The following DOCK3 variants were observed in gnomAD, a reference collection of about 807,000 sequenced individuals.
DOCK3 encodes the protein dedicator of cytokinesis 3, also known as dedicator of cytokinesis protein 3.
DOCK3 carries 60 observed loss-of-function variants against 265.6 expected under a neutral mutation model. The ratio of observed to expected loss-of-function variants is 0.23; its 90% confidence interval spans 0.18 to 0.28. The LOEUF is 0.28. DOCK3 is among the 10% of genes least tolerant of loss of function. The pLI is 1.00. For missense variants in DOCK3, 1,981 were observed against 2,594.3 expected, an observed-to-expected ratio of 0.76 and a Z score of 5.14; for synonymous variants, 881 against 938.0, an observed-to-expected ratio of 0.94 and a Z score of 1.11.
chr3:51,015,544 G>C (rs1289299024), intron 5 of DOCK3, among the ~76,000 whole-genome samples: 1 of 150,098 alleles, frequency 6.7e-6, no homozygotes, highest in Non-Finnish European at 1.5e-5. Flanking sequence ...ATTTTGTTGA[G>C]GATTTTTGTG....
intron 2 of DOCK3, among the ~76,000 whole-genome samples, chr3:50,791,303 G>A (rs1303920902): frequency 7.4e-5 from 9 of 121,552 alleles, no homozygotes; most frequent in Admixed American, 3.4e-4. Context: ...TTGCTCTGTC[G>A]CCCAGGATTG....
intron 32 of DOCK3, among the ~76,000 whole-genome samples, chr3:51,326,138 A>G (rs2084094667): frequency 6.6e-6 from 1 of 151,882 alleles, no homozygotes; most frequent in South Asian, 2.1e-4. Context: ...GCAACTTGTC[A>G]TGACTACCTC....
chr3:51,069,008 A>T (rs4615113), intron 6 of DOCK3, among the ~76,000 whole-genome samples: 4 of 152,082 alleles, frequency 2.6e-5, no homozygotes, highest in African/African-American at 9.7e-5. Flanking sequence ...ATTTGGCCTA[A>T]AATTTGAATA....
chr3:51,125,734 T>C (rs141416766), intron 9 of DOCK3, among the ~76,000 whole-genome samples: 3 of 152,332 alleles, frequency 2.0e-5, no homozygotes, highest in East Asian at 1.9e-4. Flanking sequence ...AATACTCTTA[T>C]ATCTTGTTTT....
intron 9 of DOCK3, among the ~76,000 whole-genome samples, chr3:51,143,712 T>C (rs1451254735): frequency 6.6e-6 from 1 of 152,244 alleles, no homozygotes; most frequent in Non-Finnish European, 1.5e-5. Context: ...TTATTGGACA[T>C]TTTGTATGTT....
chr3:51,216,689 C>T (rs1166790400), intron 14 of DOCK3, among the ~76,000 whole-genome samples: 1 of 152,174 alleles, frequency 6.6e-6, no homozygotes, highest in Non-Finnish European at 1.5e-5. Flanking sequence ...AATATACTGT[C>T]AAGAGTAGGT....
chr3:51,335,716 G>A (rs927503335), intron 35 of DOCK3, among the ~76,000 whole-genome samples: 52 of 152,334 alleles, frequency 3.4e-4, no homozygotes, highest in African/African-American at 1.2e-3. Flanking sequence ...TGTTGGCCAG[G>A]CACAGTGGCA....
At chr3:51,102,872 A>C (rs923882886) in intron 9 of DOCK3, among the ~76,000 whole-genome samples, 2 of 152,236 alleles carry the variant, frequency 1.3e-5, no homozygotes, top group Non-Finnish European at 2.9e-5. Context: ...TTCTAATGGC[A>C]TCTAGAGATA....
chr3:51,252,286 C>A (rs2079292967), intron 22 of DOCK3, among the ~76,000 whole-genome samples: 1 of 152,176 alleles, frequency 6.6e-6, no homozygotes, highest in Non-Finnish European at 1.5e-5. Context: ...AGTTTGAAGT[C>A]AGGTAGCGTG....
At chr3:51,365,305 A>G (rs2087059529) in intron 49 of DOCK3, among the ~76,000 whole-genome samples, 1 of 152,212 alleles carries the variant, frequency 6.6e-6, no homozygotes. Flanking sequence ...ATTGGTGTAT[A>G]GGAATGCTTG....
At chr3:50,759,177 TA>T (rs2040376624) in intron 1 of DOCK3, among the ~76,000 whole-genome samples, 1 of 152,170 alleles carries the variant, frequency 6.6e-6, no homozygotes, top group Non-Finnish European at 1.5e-5. Context: ...TTAAATTTGT[TA>T]AATGAAATTA....
intron 5 of DOCK3, among the ~76,000 whole-genome samples, chr3:50,948,299 C>T (rs1209217341): frequency 6.6e-6 from 1 of 151,476 alleles, no homozygotes; most frequent in African/African-American, 2.4e-5. Flanking sequence ...TCGTGATCCA[C>T]CTGCCTTGGC....
At chr3:50,867,314 G>T (rs1485762182) in intron 3 of DOCK3, among the ~76,000 whole-genome samples, 1 of 152,038 alleles carries the variant, frequency 6.6e-6, no homozygotes, top group African/African-American at 2.4e-5. Context: ...GTTCTAAAAG[G>T]TTTTTTTGTG....
chr3:50,744,229 G>A (rs1413996008), intron 1 of DOCK3, among the ~76,000 whole-genome samples: 2 of 152,088 alleles, frequency 1.3e-5, no homozygotes, highest in Non-Finnish European at 2.9e-5. Context: ...CTGTGAGCTT[G>A]GCACTCTCTT....
chr3:51,168,815 T>C (rs562473230), intron 12 of DOCK3, among the ~76,000 whole-genome samples: 2 of 151,968 alleles, frequency 1.3e-5, no homozygotes, highest in East Asian at 3.9e-4. Context: ...CCTATAGAAA[T>C]AGGAGAAAAT....
At chr3:50,997,340 A>G (rs2078321928) in intron 5 of DOCK3, among the ~76,000 whole-genome samples, 1 of 152,162 alleles carries the variant, frequency 6.6e-6, no homozygotes, top group Admixed American at 6.6e-5. Context: ...TATGTGAGGA[A>G]AAATGTTGGT....
At chr3:51,302,239 A>G (rs775326706) in intron 27 of DOCK3, among the ~76,000 whole-genome samples, 5 of 152,156 alleles carry the variant, frequency 3.3e-5, no homozygotes, top group African/African-American at 4.8e-5. Context: ...GTCAGAAACT[A>G]GGATTGCAAC....
chr3:51,267,817 A>G (rs2080282544), intron 23 of DOCK3, among the ~76,000 whole-genome samples: 1 of 152,250 alleles, frequency 6.6e-6, no homozygotes, highest in South Asian at 2.1e-4. Flanking sequence ...AGCCATAAAA[A>G]AGGATGAGTT....
chr3:51,137,938 G>A (rs1576205429), intron 9 of DOCK3, among the ~76,000 whole-genome samples: 6 of 151,782 alleles, frequency 4.0e-5, no homozygotes, highest in Admixed American at 3.3e-4. Flanking sequence ...TGACTCTCTT[G>A]GCCACAGTTT....
Sources: gnomAD v4.1 joint callset for allele counts (sites outside exome capture counted in the v4.1 genomes callset) on GRCh38, gnomAD v4.1.1 for gene constraint, MANE v1.5 for transcripts, NCBI Gene and HGNC (gene_info 2026-07-23, HGNC 2026-07-21) for gene names.